The following TULP4 variants were observed in gnomAD, a reference collection of about 807,000 sequenced individuals.
TULP4 encodes tubby-related protein 4.
TULP4 carries 16 observed loss-of-function variants against 129.0 expected under a neutral mutation model. The observed-to-expected ratio is 0.12, with a 90% CI of 0.08 to 0.19. TULP4 has a LOEUF of 0.19. Ranked by LOEUF, TULP4 falls within the 10% of genes least tolerant of loss-of-function variation. The pLI is 1.00. For synonymous variants in TULP4, 998 were observed against 854.0 expected (o/e 1.17, Z -2.94); for missense variants, 1,842 against 2,059.1 (o/e 0.89, Z 2.04).
chr6:158,483,568 C>T (rs1026910993), intron 8 of TULP4, among the ~76,000 whole-genome samples: 16 of 152,096 alleles, frequency 1.1e-4, no homozygotes, highest in African/African-American at 3.6e-4. Flanking sequence ...TCCAGTAGTC[C>T]TCCGCCTTGG....
intron 1 of TULP4, among the ~76,000 whole-genome samples, chr6:158,346,879 A>G (rs1353203095): frequency 6.6e-6 from 1 of 152,150 alleles, no homozygotes; most frequent in African/African-American, 2.4e-5. Context: ...TTTCAAGTTA[A>G]TATGTGTGTG....
intron 1 of TULP4, among the ~76,000 whole-genome samples, chr6:158,259,929 G>C (rs1437237027): frequency 6.6e-6 from 1 of 152,164 alleles, no homozygotes; most frequent in African/African-American, 2.4e-5. Context: ...ATGGAGTCAG[G>C]GGCATCACCC....
At chr6:158,400,619 A>G (rs1461157456) in intron 1 of TULP4, among the ~76,000 whole-genome samples, 2 of 152,188 alleles carry the variant, frequency 1.3e-5, no homozygotes, top group South Asian at 4.1e-4. Flanking sequence ...AGTAGAAAAA[A>G]TGTCACCTCT....
Position 158,502,690 on chromosome 6 carries a change from G to A in TULP4, c.3027G>A (p.Leu1009=), listed in dbSNP as rs34762353. The A allele has an allele frequency of 2.2e-3, 3,365 of 1,557,580 alleles. 8 individuals are homozygous for A. The highest frequency in any genetic ancestry group is 3.1e-3 in the Admixed American group (173 of 56,510). The change falls in exon 13 of 14, where the codon CTG becomes CTA. Residue 1009 remains leucine, a synonymous_variant. Transcript: ENST00000367097. ...AQLADSPRAP[L]QPLAKSKGGP... ...TGGCCGACAGCCCGCGGGCCCCCCT[G>A]CAGCCCCTGGCCAAGTCCAAGGGCG...
chr6:158,461,233 G>C (rs1452338652), intron 5 of TULP4, among the ~76,000 whole-genome samples: 1 of 152,134 alleles, frequency 6.6e-6, no homozygotes, highest in Non-Finnish European at 1.5e-5. Flanking sequence ...CCAACATGGA[G>C]AAATCCCATC....
chr6:158,463,191 T>A (rs668261), intron 6 of TULP4, among the ~76,000 whole-genome samples: 63,557 of 152,106 alleles, frequency 0.42, 14,589 homozygotes, highest in African/African-American at 0.62. Context: ...CTGAACCCTG[T>A]CACACTCTGA....
At chr6:158,387,850 G>A (rs1047909381) in intron 1 of TULP4, among the ~76,000 whole-genome samples, 2 of 152,214 alleles carry the variant, frequency 1.3e-5, no homozygotes, top group Non-Finnish European at 2.9e-5. Context: ...TGCCTCTTAA[G>A]ATTATTATCT....
intron 1 of TULP4, among the ~76,000 whole-genome samples, chr6:158,307,103 G>GA (rs1481335856): frequency 6.6e-6 from 1 of 152,168 alleles, no homozygotes; most frequent in Non-Finnish European, 1.5e-5. Context: ...ATATTTTTAT[G>GA]AAAACAACTG....
At chr6:158,276,933 T>C (rs555323688) in intron 1 of TULP4, among the ~76,000 whole-genome samples, 1 of 152,098 alleles carries the variant, frequency 6.6e-6, no homozygotes, top group Admixed American at 6.6e-5. Context: ...GGTCTTTTTT[T>C]CCTTTTTTCT....
chr6:158,458,399 T>C (rs1354873555), intron 5 of TULP4, among the ~76,000 whole-genome samples: 4 of 152,104 alleles, frequency 2.6e-5, no homozygotes, highest in East Asian at 1.9e-4. Context: ...AGAAGAAACA[T>C]AGATGCTTCC....
chr6:158,325,070 G>A (rs1288313595), intron 1 of TULP4, among the ~76,000 whole-genome samples: 3 of 152,118 alleles, frequency 2.0e-5, no homozygotes, highest in African/African-American at 7.2e-5. Flanking sequence ...CAGTGCTTTT[G>A]GTTTGGGCCG....
intron 1 of TULP4, among the ~76,000 whole-genome samples, chr6:158,390,540 G>A (rs1337403051): frequency 1.3e-5 from 2 of 152,110 alleles, no homozygotes; most frequent in African/African-American, 4.8e-5. Flanking sequence ...ATTTTCAGAG[G>A]CCATTTATAG....
At chr6:158,339,029 A>G (rs1463396287) in intron 1 of TULP4, among the ~76,000 whole-genome samples, 1 of 152,230 alleles carries the variant, frequency 6.6e-6, no homozygotes, top group Non-Finnish European at 1.5e-5. Flanking sequence ...CTTGGGAAAA[A>G]GAAAAAAACA....
At chr6:158,490,728 C>T (rs1316531537) in intron 9 of TULP4, among the ~76,000 whole-genome samples, 1 of 152,002 alleles carries the variant, frequency 6.6e-6, no homozygotes, top group South Asian at 2.1e-4. Flanking sequence ...CCATCATCAG[C>T]TTTGCTTGTT....
In TULP4 at chr6:158,313,437, A is replaced by G. The variant is rs1779409707; in HGVS notation, c.-580A>G. ...TTATGCAATCTTTTTCAGCTTTAGC[A>G]GCAGAAATTTGTCTAGTTCAGGAAA... On this transcript the variant is annotated 5_prime_UTR_variant, in exon 1 of 14. Coordinates refer to ENST00000367097, the MANE Select transcript of TULP4 (RefSeq NM_020245.5). The G allele has an allele frequency of 2.5e-6, 1 of 398,862 alleles. No individual in the cohort carries two copies. The highest frequency in any genetic ancestry group is 2.1e-5 in the African/African-American group (1 of 48,610). 24.7% of individuals were successfully genotyped at this position (398,862 alleles called of 1,614,324 possible).
chr6:158,370,555 T>TA (rs1777049568), intron 1 of TULP4, among the ~76,000 whole-genome samples: 1 of 141,458 alleles, frequency 7.1e-6, no homozygotes, highest in Non-Finnish European at 1.5e-5. Context: ...TAATAAATAA[T>TA]AAAAATACCC....
At chr6:158,304,876 A>T (rs550213225) in intron 1 of TULP4, among the ~76,000 whole-genome samples, 2 of 151,968 alleles carry the variant, frequency 1.3e-5, no homozygotes, top group South Asian at 4.2e-4. Context: ...TATATTGTCC[A>T]TGCTGGTCTG....
At chr6:158,336,689 A>G (rs1780042700) in intron 1 of TULP4, among the ~76,000 whole-genome samples, 1 of 152,212 alleles carries the variant, frequency 6.6e-6, no homozygotes. Flanking sequence ...ATTTGTTTTT[A>G]AATGCCTTCT....
Position 158,274,172 on chromosome 6 carries a change from T to C in TULP4, n.69-37879T>C, listed in dbSNP as rs564651733. On this transcript the variant is annotated intron_variant and non_coding_transcript_variant, in intron 1 of 1. Transcript: ENST00000620026. The stretch of plus-strand genomic sequence containing the variant: ...ACTTGGGAGGCTGAGGCAGGAGAAT[T>C]GCTTGAACCCGGGAGGTGGAGGTTG... Among the ~76,000 whole-genome samples the C allele has an allele frequency of 7.3e-4, 110 of 151,524 alleles. No homozygotes were observed. In the East Asian group the frequency reaches 0.015, roughly 20 times the overall value.
Sources: allele counts gnomAD v4.1 joint callset (sites outside exome capture counted in the v4.1 genomes callset), GRCh38; gene constraint gnomAD v4.1.1; transcripts MANE v1.5; gene names NCBI Gene and HGNC (gene_info 2026-07-23, HGNC 2026-07-21).